Variants in ATP6V1D observed in about 807,000 individuals in gnomAD.
The protein encoded by ATP6V1D is ATPase H+ transporting V1 subunit D.
In ATP6V1D, 20 loss-of-function variants were observed where a neutral mutation model predicts 39.4. That is an observed-to-expected ratio of 0.51 (90% confidence interval 0.36 to 0.74). ATP6V1D has a LOEUF of 0.74. Ranked by LOEUF, ATP6V1D falls within the 30% of genes least tolerant of loss-of-function variation. ATP6V1D has a pLI of 0.00. For synonymous variants in ATP6V1D, 100 were observed against 100.5 expected (o/e 0.99, Z 0.03); for missense variants, 228 against 291.6 (o/e 0.78, Z 1.59).
intron 1 of ATP6V1D, chr14:67,353,857 T>C (rs2085670278): frequency 6.6e-6 from 1 of 152,088 alleles, no homozygotes; most frequent in African/African-American, 2.4e-5. Context: ...GGTATGATCA[T>C]AGCTTGCTGC....
chr14:67,343,566 T>A, intron 6 of ATP6V1D, 128 bp from the exon 7 acceptor site: 1 of 687,516 alleles, frequency 1.5e-6, no homozygotes, highest in Non-Finnish European at 2.4e-6. Flanking sequence ...TTGGCATGCT[T>A]AAAAAACAAA....
chr14:67,346,801 T>A (rs942360046), intron 5 of ATP6V1D, among the ~76,000 whole-genome samples: 2 of 152,106 alleles, frequency 1.3e-5, no homozygotes, highest in Non-Finnish European at 2.9e-5. Flanking sequence ...AGACCCAAAC[T>A]GGGAATTATA....
intron 7 of ATP6V1D, among the ~76,000 whole-genome samples, chr14:67,341,134 C>T (rs1215298195): frequency 1.3e-5 from 2 of 152,082 alleles, no homozygotes; most frequent in African/African-American, 4.8e-5. Context: ...CCTGGCCGCC[C>T]ATCGTCTGGG....
At chr14:67,339,378 T>C (rs372224539) in intron 8 of ATP6V1D, among the ~76,000 whole-genome samples, 4 of 152,170 alleles carry the variant, frequency 2.6e-5, no homozygotes, top group African/African-American at 7.2e-5. Flanking sequence ...TTTTAAAATT[T>C]TGGCTCAACA....
At chr14:67,355,386 G>C (rs1257871544) in intron 1 of ATP6V1D, among the ~76,000 whole-genome samples, 1 of 112,950 alleles carries the variant, frequency 8.9e-6, no homozygotes, top group Non-Finnish European at 1.7e-5. Context: ...CCATATGCCA[G>C]ATACAATTTA....
At chr14:67,350,263 T>G (rs1822405050) in intron 3 of ATP6V1D, among the ~76,000 whole-genome samples, 1 of 151,630 alleles carries the variant, frequency 6.6e-6, no homozygotes, top group Non-Finnish European at 1.5e-5. Context: ...TCCCTAATAT[T>G]CCAAAAAACT....
chr14:67,348,073 C>A (rs563758125), intron 4 of ATP6V1D, among the ~76,000 whole-genome samples: 4 of 151,382 alleles, frequency 2.6e-5, no homozygotes, highest in African/African-American at 9.7e-5. Flanking sequence ...CCATGCCCAG[C>A]TAATTTTTTT....
chr14:67,340,444 A>G lies in ATP6V1D; in HGVS notation c.598T>C (p.Tyr200His). 6.2e-7 allele frequency: 1 copy of G among 1,613,610 alleles called. No homozygotes were observed. The highest frequency in any genetic ancestry group is 2.2e-5 in the East Asian group (1 of 44,848). The change falls in exon 8 of 9, where the codon TAT becomes CAT. Residue 200 changes from tyrosine to histidine, a missense_variant. Tyr to His is a moderately conservative substitution (Grantham distance 83). This residue lies in a region of ATP6V1D where 114 missense variants were observed against 128.3 expected (regional missense o/e 0.89). Transcript: ENST00000216442. ...ELDEREREEF[Y>H]RLKKIQEKKK... ...TAACTGCCAATTTCAACAAACCTAT[A>G]GAACTCTTCTCGCTCTCTCTCATCC...
chr14:67,345,600 T>A (rs1319944683), intron 6 of ATP6V1D, among the ~76,000 whole-genome samples, 168 bp downstream of exon 6: 1 of 152,104 alleles, frequency 6.6e-6, no homozygotes, highest in African/African-American at 2.4e-5. Flanking sequence ...GGGACAATGG[T>A]ACAAAAGCCA....
At chr14:67,349,818 A>T (rs1189186318) in intron 3 of ATP6V1D, among the ~76,000 whole-genome samples, 2 of 152,226 alleles carry the variant, frequency 1.3e-5, no homozygotes, top group Admixed American at 6.5e-5. Context: ...AATTCAATGC[A>T]AGCTGTGATC....
intron 2 of ATP6V1D, among the ~76,000 whole-genome samples, chr14:67,350,966 G>A (rs1366676034): frequency 6.6e-6 from 1 of 152,206 alleles, no homozygotes; most frequent in African/African-American, 2.4e-5. Context: ...ATTCCTGAAT[G>A]GGTACATGCT....
At chr14:67,344,502 A>G (rs2085606405) in intron 6 of ATP6V1D, among the ~76,000 whole-genome samples, 1 of 152,238 alleles carries the variant, frequency 6.6e-6, no homozygotes, top group Non-Finnish European at 1.5e-5. Context: ...CACATAGGGG[A>G]AAAAATGGTC....
intron 2 of ATP6V1D, 37 bp from the exon 3 acceptor site, chr14:67,350,727 C>A (rs1366641687): frequency 1.3e-6 from 2 of 1,565,148 alleles, no homozygotes; most frequent in Non-Finnish European, 1.8e-6. Flanking sequence ...TTCAACCAAG[C>A]CTTTTACAAG....
At chr14:67,341,121 CTG>C (rs1566596149) in intron 7 of ATP6V1D, among the ~76,000 whole-genome samples, 2 of 152,208 alleles carry the variant, frequency 1.3e-5, no homozygotes, top group African/African-American at 4.8e-5. Context: ...AGGAGCCTCT[CTG>C]CCTGGCCGCC....
chr14:67,338,992 CTTTT>C (rs772977015), intron 8 of ATP6V1D, among the ~76,000 whole-genome samples: 4 of 131,152 alleles, frequency 3.0e-5, no homozygotes, highest in Non-Finnish European at 4.9e-5. Flanking sequence ...AGACAGAAGC[CTTTT>C]TTTTTTTTTT....
chr14:67,338,666 A>T lies in ATP6V1D; in HGVS notation c.699T>A (p.Ala233=), dbSNP rs2085557187. 1.2e-6 allele frequency: 2 copies of T among 1,614,042 alleles called. No homozygotes were observed. The highest frequency in any genetic ancestry group is 2.7e-5 in the African/African-American group (2 of 74,936). The change falls in exon 9 of 9, where the codon GCT becomes GCA. Residue 233 remains alanine, a synonymous_variant. Coordinates refer to ENST00000216442, the MANE Select transcript of ATP6V1D (RefSeq NM_015994.4). ...CGTCCTTCTCTTCAGCCAGAAGATT[A>T]GCAGGCTCCAACACCTCTCCAGCTG... The part of the protein sequence containing the change: ...RRAAGEVLEP[A]NLLAEEKDED...
intron 3 of ATP6V1D, among the ~76,000 whole-genome samples, chr14:67,349,321 TAAGAA>T (rs1469479784): frequency 6.6e-6 from 1 of 152,196 alleles, no homozygotes; most frequent in Non-Finnish European, 1.5e-5. Context: ...ACATTAGCAG[TAAGAA>T]AAGAACAAAG....
intron 1 of ATP6V1D, among the ~76,000 whole-genome samples, chr14:67,358,566 G>A (rs1045843606): frequency 9.2e-5 from 14 of 152,090 alleles, no homozygotes; most frequent in Non-Finnish European, 2.1e-4. Context: ...CAGGCGCGGT[G>A]GCTCCCATCT....
At position 67,359,672 on chromosome 14, in the gene ATP6V1D, G is replaced by T; in HGVS notation, c.27C>A (p.Ile9=). Residue 9 remains isoleucine, a synonymous_variant, in exon 1 of 9, where the codon ATC becomes ATA. Transcript: ENST00000216442. MSGKDRIE[I]FPSRMAQTIM... is the part of the protein sequence containing the mutation. ...CCTTTACTTACATTCGCGAGGGAAA[G>T]ATTTCAATTCGGTCTTTGCCCGACA... 1.2e-6 allele frequency: 2 copies of T among 1,614,168 alleles called. No individual in the cohort carries two copies. Among genetic ancestry groups the T allele is most frequent in the Middle Eastern group, 1.7e-4 (1 of 6,054 alleles).
Sources: allele counts gnomAD v4.1 joint callset (sites outside exome capture counted in the v4.1 genomes callset), GRCh38; gene constraint gnomAD v4.1.1; regional missense constraint gnomAD v4.1.1; transcripts MANE v1.5; gene names NCBI Gene and HGNC (gene_info 2026-07-23, HGNC 2026-07-21).